The following CHST15 variants were observed in gnomAD, a reference collection of about 807,000 sequenced individuals.
CHST15 encodes the protein carbohydrate sulfotransferase 15.
A neutral mutation model predicts 53.6 loss-of-function variants in CHST15; 30 were observed. That is an observed-to-expected ratio of 0.56 (90% CI 0.42 to 0.76). The LOEUF is 0.76. Among genes scored for constraint, CHST15 ranks in the 30% least tolerant of loss-of-function variants. CHST15 has a pLI of 0.00. For synonymous variants in CHST15, 296 were observed against 289.8 expected (o/e 1.02, Z -0.22); for missense variants, 627 against 740.5 (o/e 0.85, Z 1.78).
chr10:124,078,833 T>A (rs1276586217), intron 1 of CHST15, among the ~76,000 whole-genome samples: 1 of 152,240 alleles, frequency 6.6e-6, no homozygotes. Context: ...GTCAGTTTCC[T>A]GGCTTTGATC....
chr10:124,084,135 G>A (rs1469658088), intron 1 of CHST15, among the ~76,000 whole-genome samples: 2 of 152,176 alleles, frequency 1.3e-5, no homozygotes, highest in Non-Finnish European at 2.9e-5. Flanking sequence ...CCAGTCCTGA[G>A]GCATCAGTGT....
chr10:124,062,528 A>C (rs1464431732), intron 1 of CHST15, among the ~76,000 whole-genome samples: 4 of 152,130 alleles, frequency 2.6e-5, no homozygotes, highest in Non-Finnish European at 5.9e-5. Context: ...GACCCCATGG[A>C]CAGGCGTGGA....
chr10:124,021,241 G>GA lies in CHST15; in HGVS notation c.1347+14_1347+15insT, dbSNP rs1554903176. Reference sequence around the variant, plus strand: ...AGGGGCCAGCTCGGGGGGTACGGGGGGGGGGGGTACACACAGGCATGGCGT... The same window carrying GA: ...AGGGGCCAGCTCGGGGGGTACGGGGGAGGGGGGGTACACACAGGCATGGCGT... On this transcript the variant is annotated intron_variant, in intron 6 of 7. Transcript: ENST00000435907. 1 of 1,571,096 alleles carries GA rather than the reference G, an allele frequency of 6.4e-7. No individual in the cohort carries two copies. The highest frequency in any genetic ancestry group is 8.7e-7 in the Non-Finnish European group (1 of 1,152,768).
rs545896733 is a variant in CHST15 at position 124,074,385 on chromosome 10, G to C, written c.-513+19084C>G. On this transcript the variant is annotated intron_variant, in intron 1 of 7. Coordinates refer to ENST00000435907, the MANE Select transcript of CHST15 (RefSeq NM_001270764.2). The surrounding 1 kb of genome is among the most constrained non-coding windows in gnomAD (Gnocchi z 4.4). ...ACACTAAACAGTGTGCCACCCAACT[G>C]CAAAGGGCACAATTCAGGTGGCAGG... 1.5e-4 allele frequency among the ~76,000 whole-genome samples: 23 copies of C among 152,326 alleles called. No homozygotes were observed. Among genetic ancestry groups the C allele is most frequent in the African/African-American group, 5.5e-4 (23 of 41,588 alleles).
At chr10:124,062,593 C>G (rs1004078960) in intron 1 of CHST15, among the ~76,000 whole-genome samples, 2 of 152,104 alleles carry the variant, frequency 1.3e-5, no homozygotes, top group African/African-American at 4.8e-5. Flanking sequence ...CCAACTCCAA[C>G]TGCTCAACAA....
At position 124,010,059 on chromosome 10, in the gene CHST15, A is replaced by C; in HGVS notation, c.*90T>G. The C allele has an allele frequency of 6.2e-7, 1 of 1,601,602 alleles. No homozygotes were observed. The highest frequency in any genetic ancestry group is 1.3e-5 in the African/African-American group (1 of 74,736). On this transcript the variant is annotated 3_prime_UTR_variant, in exon 8 of 8. Transcript: ENST00000435907. ...GCAGAGTCCTGGGGTTTTCCATACC[A>C]TGAGTGAAACAGTTCCCCGCAAAGA...
At position 124,044,781 on chromosome 10, in the gene CHST15, A is replaced by T; in HGVS notation, c.685T>A (p.Phe229Ile). ...CAGAAGGCCTTGCGCAGGGCGTCGA[A>T]GGTGGAGCGGAAGCGCTTGGAGTAG... ...VLYSKRFRST[F>I]DALRKAFWGH... is the part of the protein sequence containing the mutation. The change falls in exon 3 of 8, where the codon TTC becomes ATC. Residue 229 changes from phenylalanine to isoleucine, a missense_variant. Around this residue, in one of 3 missense-constraint regions of CHST15, gnomAD observed 161 missense variants for 117.2 expected, o/e 1.37. Transcript: ENST00000435907. 1 of 1,610,914 alleles carries T rather than the reference A, an allele frequency of 6.2e-7. No individual in the cohort carries two copies. The highest frequency in any genetic ancestry group is 8.5e-7 in the Non-Finnish European group (1 of 1,178,372).
rs763761981 is a variant in CHST15, at chr10:124,010,600, T to C, written c.1496-261A>G. Reference sequence around the variant, plus strand: ...GGGGAGCCCAGCTGGCATTTAATGATGATACAGCGTCTAAGGCTGACCTCA... The same window carrying C: ...GGGGAGCCCAGCTGGCATTTAATGACGATACAGCGTCTAAGGCTGACCTCA... On this transcript the variant is annotated intron_variant, in intron 7 of 7. Coordinates refer to ENST00000435907, the MANE Select transcript of CHST15 (RefSeq NM_001270764.2). 23 of 985,466 alleles carry C rather than the reference T, an allele frequency of 2.3e-5. No homozygotes were observed. In the East Asian group the frequency reaches 1.2e-3, roughly 53 times the overall value. The allele number at this position is 985,466 out of a possible 1,614,324, so 61.0% of individuals were successfully genotyped here. A position where few individuals can be genotyped will look rare whatever the true frequency, so the allele number is the denominator to read the frequency against.
At chr10:124,081,399 C>A (rs28604370) in intron 1 of CHST15, among the ~76,000 whole-genome samples, 33,582 of 151,932 alleles carry the variant, frequency 0.22, 4,600 homozygotes, top group Middle Eastern at 0.38. Context: ...CACGCGTGCA[C>A]ACACACACAA....
At chr10:124,013,659 G>C (rs904608290) in intron 6 of CHST15, among the ~76,000 whole-genome samples, 4 of 152,230 alleles carry the variant, frequency 2.6e-5, no homozygotes, top group Admixed American at 6.5e-5. Flanking sequence ...TCAGAAGTGA[G>C]AGCAGTCTTA....
At chr10:124,066,880 G>A (rs1366199701) in intron 1 of CHST15, among the ~76,000 whole-genome samples, 3 of 152,232 alleles carry the variant, frequency 2.0e-5, no homozygotes, top group South Asian at 2.1e-4. Context: ...CTGAGATGAA[G>A]CCAGCACTTT....
chr10:124,014,149 G>A (rs1413904404), intron 6 of CHST15, among the ~76,000 whole-genome samples: 1 of 152,204 alleles, frequency 6.6e-6, no homozygotes, highest in Non-Finnish European at 1.5e-5. Context: ...TTTTTAGGCA[G>A]ACACTCTCAT....
At chr10:124,093,186 G>T (rs1037203912) in intron 1 of CHST15, among the ~76,000 whole-genome samples, 1 of 152,140 alleles carries the variant, frequency 6.6e-6, no homozygotes, top group Admixed American at 6.5e-5. Flanking sequence ...CCGGGCCAAG[G>T]AGCCCGGGGC....
chr10:124,014,639 T>A (rs1207523288), intron 6 of CHST15, among the ~76,000 whole-genome samples: 1 of 152,142 alleles, frequency 6.6e-6, no homozygotes, highest in Admixed American at 6.5e-5. Flanking sequence ...TTCAGTTGTC[T>A]CCCTGGCAGG....
intron 1 of CHST15, among the ~76,000 whole-genome samples, chr10:124,066,267 G>A (rs1042018081): frequency 6.6e-6 from 1 of 152,164 alleles, no homozygotes; most frequent in African/African-American, 2.4e-5. Flanking sequence ...CCAGCTAGGG[G>A]AAGGGGGAGG....
At chr10:124,064,594 C>T (rs1440978592) in intron 1 of CHST15, among the ~76,000 whole-genome samples, 2 of 152,168 alleles carry the variant, frequency 1.3e-5, no homozygotes, top group Non-Finnish European at 2.9e-5. Flanking sequence ...CTGAGCCCCT[C>T]TTCGTTGCTG....
At chr10:124,045,112 CAA>C (rs758243657) in intron 2 of CHST15, among the ~76,000 whole-genome samples, 193 bp from the exon 3 acceptor site, 458 of 33,634 alleles carry the variant, frequency 0.014, 4 homozygotes, top group African/African-American at 0.021. Flanking sequence ...CGCCGCCCCA[CAA>C]AAAAAAAAAA....
At position 124,019,919 on chromosome 10, in the gene CHST15, G is replaced by C; in HGVS notation, c.1347+1337C>G. ...TATGGTAGGTGGTGCTGACCACTGG[G>C]CCTCTGCACACGCTGCTCTCAGTTC... On this transcript the variant is annotated intron_variant, in intron 6 of 7. Transcript: ENST00000435907. This position sits in a 1 kb window ranked among gnomAD's most constrained non-coding sequence, Gnocchi z 4.6. The C allele has an allele frequency of 1.0e-6, 1 of 985,950 alleles. No homozygotes were observed. The highest frequency in any genetic ancestry group is 1.2e-6 in the Non-Finnish European group (1 of 830,350). The allele number at this position is 985,950 out of a possible 1,614,324, so 61.1% of individuals were successfully genotyped here.
intron 4 of CHST15, among the ~76,000 whole-genome samples, chr10:124,040,346 G>A (rs555215301): frequency 6.6e-6 from 1 of 152,096 alleles, no homozygotes; most frequent in African/African-American, 2.4e-5. Context: ...CTCCTCTCTC[G>A]GACCTTAAGA....
Sources: gnomAD v4.1 joint callset for allele counts (sites outside exome capture counted in the v4.1 genomes callset) on GRCh38, gnomAD v4.1.1 for gene constraint, gnomAD v4.1.1 regional missense constraint, Gnocchi (gnomAD v3.1) non-coding constraint, MANE v1.5 for transcripts, NCBI Gene and HGNC (gene_info 2026-07-23, HGNC 2026-07-21) for gene names.